The following ALG5 variants were observed in gnomAD, a reference collection of about 807,000 sequenced individuals.
ALG5 encodes the protein dolichyl-phosphate beta-glucosyltransferase.
ALG5 carries 26 observed loss-of-function variants against 51.8 expected under a neutral mutation model. The observed-to-expected ratio is 0.50, with a 90% CI of 0.37 to 0.70. The LOEUF (loss-of-function observed/expected upper bound fraction) is 0.70. ALG5 is among the 30% of genes least tolerant of loss of function. The pLI is 0.00. For synonymous variants in ALG5, 141 were observed against 136.1 expected (o/e 1.04, Z -0.25); for missense variants, 311 against 399.3 (o/e 0.78, Z 1.88).
intron 5 of ALG5, among the ~76,000 whole-genome samples, chr13:36,987,185 C>A (rs919856894): frequency 6.6e-6 from 1 of 152,208 alleles, no homozygotes; most frequent in Non-Finnish European, 1.5e-5. Context: ...CTGGATACCA[C>A]TGCATGTTGT....
chr13:36,978,625 A>C (rs1489256321), intron 6 of ALG5, among the ~76,000 whole-genome samples: 1 of 150,336 alleles, frequency 6.7e-6, no homozygotes, highest in Non-Finnish European at 1.5e-5. Context: ...ACAAAGATGA[A>C]TGTTAGCCGG....
chr13:36,987,922 G>A (rs548900311), intron 5 of ALG5, among the ~76,000 whole-genome samples: 2 of 152,188 alleles, frequency 1.3e-5, no homozygotes, highest in African/African-American at 2.4e-5. Flanking sequence ...AAAGCCCCTC[G>A]TCTACAGTTT....
Position 36,965,616 on chromosome 13 carries a change from T to C in ALG5, c.732A>G (p.Glu244=). ...GAGATGAAAACGTCCGTGAAGCTGC[T>C]TCTCGAGTAAATAATTTGAACCCAC... is the stretch of plus-strand genomic sequence containing the variant. ...TQCGFKLFTR[E]AASRTFSSLH... The change falls in exon 8 of 10, where the codon GAA becomes GAG. Residue 244 remains glutamate (E), a synonymous_variant. Transcript: ENST00000239891. The C allele has an allele frequency of 6.2e-7, 1 of 1,614,052 alleles. No individual in the cohort carries two copies. Among genetic ancestry groups the C allele is most frequent in the Non-Finnish European group, 8.5e-7 (1 of 1,179,964 alleles).
At chr13:36,969,053 A>G (rs17054775) in intron 7 of ALG5, among the ~76,000 whole-genome samples, 10,098 of 152,294 alleles carry the variant, frequency 0.066, 746 homozygotes, top group African/African-American at 0.19. Flanking sequence ...TTAGAGCTGA[A>G]AGAATGGATG....
At position 36,992,950 on chromosome 13, in the gene ALG5, C is replaced by A. The variant is rs1483548513; in HGVS notation, c.354+654G>T. On this transcript the variant is annotated intron_variant, in intron 4 of 9. Transcript: ENST00000239891. ...TCCTCCCTGGGAGGGCATCCCTGAT[C>A]CTTCCAGCAGAGCAGCTGGCCACTC... Among the ~76,000 whole-genome samples, 3 of 152,284 alleles carry A rather than the reference C, an allele frequency of 2.0e-5. No individual in the cohort carries two copies. The East Asian group carries it at 5.8e-4, about 29-fold the overall frequency.
At chr13:36,970,413 AC>A (rs1386367083) in intron 7 of ALG5, among the ~76,000 whole-genome samples, 8 of 151,780 alleles carry the variant, frequency 5.3e-5, no homozygotes, top group Non-Finnish European at 1.5e-5. Context: ...GGAGTTCGAG[AC>A]CAAATGGTGA....
chr13:36,987,175 C>A (rs1386619792), intron 5 of ALG5, among the ~76,000 whole-genome samples: 3 of 152,182 alleles, frequency 2.0e-5, no homozygotes, highest in Non-Finnish European at 4.4e-5. Flanking sequence ...CTAGGCTATT[C>A]TGGATACCAC....
intron 6 of ALG5, among the ~76,000 whole-genome samples, chr13:36,983,475 G>T (rs541581207): frequency 1.4e-4 from 22 of 152,182 alleles, no homozygotes; most frequent in Non-Finnish European, 3.1e-4. Context: ...GCGGGGCATG[G>T]TGGCTCACTT....
At chr13:36,989,138 TA>T (rs2059014662) in intron 5 of ALG5, among the ~76,000 whole-genome samples, 2 of 152,202 alleles carry the variant, frequency 1.3e-5, no homozygotes, top group African/African-American at 4.8e-5. Flanking sequence ...CTACCATGCA[TA>T]ACAGCATACC....
chr13:36,955,686 GAAAAAAAAAAA>G (rs35130767), intron 8 of ALG5, among the ~76,000 whole-genome samples: 98 of 36,504 alleles, frequency 2.7e-3, no homozygotes, highest in Non-Finnish European at 5.2e-3. Flanking sequence ...CAGAGATTGT[GAAAAAAAAAAA>G]AAAAAAAAAA....
chr13:36,970,571 A>G (rs545635135), intron 7 of ALG5, among the ~76,000 whole-genome samples: 2 of 144,152 alleles, frequency 1.4e-5, no homozygotes, highest in African/African-American at 5.2e-5. Flanking sequence ...CTGCACTCCA[A>G]CTTGGGTGAC....
At chr13:36,978,858 G>A (rs1262139266) in intron 6 of ALG5, among the ~76,000 whole-genome samples, 1 of 149,710 alleles carries the variant, frequency 6.7e-6, no homozygotes, top group Admixed American at 6.7e-5. Context: ...AGAGGCTGCA[G>A]TGAGCTGAGA....
intron 8 of ALG5, among the ~76,000 whole-genome samples, chr13:36,954,668 A>G (rs2058832394): frequency 6.6e-6 from 1 of 152,216 alleles, no homozygotes; most frequent in African/African-American, 2.4e-5. Flanking sequence ...GGGAAACAGT[A>G]TAAGGGTTAT....
chr13:36,955,945 G>A (rs955046989), intron 8 of ALG5, among the ~76,000 whole-genome samples: 17 of 152,144 alleles, frequency 1.1e-4, no homozygotes, highest in African/African-American at 4.1e-4. Context: ...TCTGGGCCAT[G>A]TGTTTTTTAT....
Position 36,995,024 on chromosome 13 carries a change from T to C in ALG5, c.250A>G (p.Met84Val). 2 of 1,613,470 alleles carry C rather than the reference T, an allele frequency of 1.2e-6. No homozygotes were observed. Among genetic ancestry groups the C allele is most frequent in the Non-Finnish European group, 1.7e-6 (2 of 1,179,564 alleles). ...YNEEKRLPVM[M>V]DEALSYLEKR... is the part of the protein sequence containing the mutation. ...TCTAGATAGCTCAGAGCTTCATCCA[T>C]CATCACAGGCACTTGAAGAAAAAAA... The change falls in exon 3 of 10, where the codon ATG (methionine) becomes GTG (valine). Residue 84 changes from methionine (M) to valine (V), a missense_variant. By Grantham distance (21) the Met-to-Val change is conservative. Coordinates refer to ENST00000239891, the MANE Select transcript of ALG5 (RefSeq NM_013338.5).
rs758499019 is a variant in ALG5, at chr13:36,995,583, G to C, written c.80C>G (p.Ala27Gly). The change falls in exon 2 of 10, where the codon GCA becomes GGA. Residue 27 changes from alanine to glycine, a missense_variant. Transcript: ENST00000239891. ...AAALVLISIV[A>G]FTTATKMPAL... Reference sequence around the variant, plus strand: ...TGGCATTTTTGTAGCAGTTGTAAATGCAACGATGGAAATCTAAAAGCAGAC... The same window carrying C: ...TGGCATTTTTGTAGCAGTTGTAAATCCAACGATGGAAATCTAAAAGCAGAC... 18 of 1,598,682 alleles carry C rather than the reference G, an allele frequency of 1.1e-5. No individual in the cohort carries two copies. The highest frequency in any genetic ancestry group is 1.7e-4 in the Middle Eastern group (1 of 6,028).
chr13:36,981,893 C>G (rs1057057706), intron 6 of ALG5, among the ~76,000 whole-genome samples: 2 of 152,168 alleles, frequency 1.3e-5, no homozygotes, highest in African/African-American at 4.8e-5. Flanking sequence ...TAGAGACCAT[C>G]CTGGCTAACA....
chr13:36,975,014 C>T (rs1306482725), intron 6 of ALG5, among the ~76,000 whole-genome samples: 1 of 152,162 alleles, frequency 6.6e-6, no homozygotes, highest in Non-Finnish European at 1.5e-5. Flanking sequence ...ATATCCAGAT[C>T]ATCCTGGCCT....
chr13:36,975,914 G>A (rs998274678), intron 6 of ALG5, among the ~76,000 whole-genome samples: 2 of 151,242 alleles, frequency 1.3e-5, no homozygotes, highest in African/African-American at 4.8e-5. Flanking sequence ...CCAGCTACTC[G>A]GGAGGCCAAG....
Sources: gnomAD v4.1 joint callset for allele counts (sites outside exome capture counted in the v4.1 genomes callset) on GRCh38, gnomAD v4.1.1 for gene constraint, MANE v1.5 for transcripts, NCBI Gene and HGNC (gene_info 2026-07-23, HGNC 2026-07-21) for gene names.